Variants in CPPED1 observed in about 807,000 individuals in gnomAD.
CPPED1 encodes the protein serine/threonine-protein phosphatase CPPED1.
In CPPED1, 28 loss-of-function variants were observed where a neutral mutation model predicts 28.0. The ratio of observed to expected loss-of-function variants is 1.00; its 90% confidence interval spans 0.74 to 1.37. CPPED1 has a LOEUF of 1.37. CPPED1 is among the 40% of genes most tolerant of loss of function. The probability of loss-of-function intolerance (pLI) is 0.00; values close to 1 mark genes in which losing one functional copy is unlikely to be tolerated. For synonymous variants in CPPED1, 198 were observed against 180.2 expected (o/e 1.10, Z -0.79); for missense variants, 504 against 416.5 (o/e 1.21, Z -1.83).
chr16:12,773,013 G>A lies in CPPED1; in HGVS notation c.289+8172C>T, dbSNP rs572085750. Among the ~76,000 whole-genome samples, 3 of 152,288 alleles carry A rather than the reference G, an allele frequency of 2.0e-5. No homozygotes were observed. The South Asian group carries it at 6.2e-4, about 32-fold the overall frequency. On this transcript the variant is annotated intron_variant, in intron 2 of 3. Coordinates refer to ENST00000381774, the MANE Select transcript of CPPED1 (RefSeq NM_018340.3). ...TAAACAGCCCTTTGTCACTTGGAAG[G>A]CAGTTTTGCCACCAGCTTAGTTTCA...
chr16:12,785,629 T>C (rs568384140), intron 1 of CPPED1, among the ~76,000 whole-genome samples: 1 of 152,112 alleles, frequency 6.6e-6, no homozygotes, highest in Non-Finnish European at 1.5e-5. Context: ...GGTTTCGCCA[T>C]GTTGGCCAGG....
chr16:12,794,640 T>C (rs2080616157), intron 1 of CPPED1, among the ~76,000 whole-genome samples: 1 of 152,166 alleles, frequency 6.6e-6, no homozygotes, highest in Non-Finnish European at 1.5e-5. Flanking sequence ...ATTCCTAATC[T>C]GTAAAATCTG....
chr16:12,663,518 C>T lies in CPPED1; in HGVS notation c.*1368G>A, dbSNP rs1196649096. On this transcript the variant is annotated 3_prime_UTR_variant, in exon 4 of 4. Transcript: ENST00000381774. ...TTTAAAAAATTTAATTTTCTTGTGG[C>T]ACATAACAATGAACTCTGGTGTCAC... is the stretch of plus-strand genomic sequence containing the variant. 6.6e-6 allele frequency: 1 copy of T among 152,154 alleles called. No homozygotes were observed. Among genetic ancestry groups the T allele is most frequent in the Non-Finnish European group, 1.5e-5 (1 of 68,032 alleles). 9.4% of individuals were successfully genotyped at this position (152,154 alleles called of 1,614,324 possible).
intron 2 of CPPED1, among the ~76,000 whole-genome samples, chr16:12,722,592 T>C (rs2080147336): frequency 6.6e-6 from 1 of 152,094 alleles, no homozygotes; most frequent in Admixed American, 6.6e-5. Flanking sequence ...AAAAATTAGT[T>C]AGGTGTGGTG....
intron 1 of CPPED1, among the ~76,000 whole-genome samples, chr16:12,801,573 A>G (rs2080659857): frequency 6.6e-6 from 1 of 152,098 alleles, no homozygotes; most frequent in Non-Finnish European, 1.5e-5. Flanking sequence ...GGGGATGATT[A>G]TACCCTATAA....
chr16:12,785,663 A>T (rs757824790), intron 1 of CPPED1, among the ~76,000 whole-genome samples: 5 of 151,342 alleles, frequency 3.3e-5, no homozygotes, highest in East Asian at 3.9e-4. Context: ...CCTGGCCTCA[A>T]ATGATCTGCC....
chr16:12,708,368 A>G (rs1456638350), intron 2 of CPPED1, among the ~76,000 whole-genome samples: 1 of 152,132 alleles, frequency 6.6e-6, no homozygotes, highest in Non-Finnish European at 1.5e-5. Flanking sequence ...AATGGGGATG[A>G]TAATTCCCAT....
chr16:12,664,990 C>T lies in CPPED1; in HGVS notation c.841G>A (p.Val281Met), dbSNP rs374948695. Residue 281 changes from valine to methionine, a missense_variant, in exon 4 of 4, where the codon GTG becomes ATG. Coordinates refer to ENST00000381774, the MANE Select transcript of CPPED1 (RefSeq NM_018340.3). The surrounding 1 kb of genome is among the most constrained non-coding windows in gnomAD (Gnocchi z 4.2). The part of the protein sequence containing the change: ...LGRDPHGLRV[V>M]VVTAEKIVHR... The stretch of plus-strand genomic sequence containing the variant: ...ACAATTTTCTCGGCGGTGACCACCA[C>T]GACTCGGAGCCCGTGGGGGTCTCTG... 40 of 1,611,500 alleles carry T rather than the reference C, an allele frequency of 2.5e-5. No individual in the cohort carries two copies. The highest frequency in any genetic ancestry group is 2.3e-4 in the African/African-American group (17 of 74,612).
rs550069077 is a variant in CPPED1, at chr16:12,736,461, G to A, written c.290-31412C>T. 3.9e-5 allele frequency among the ~76,000 whole-genome samples: 6 copies of A among 152,130 alleles called. No homozygotes were observed. In the East Asian group the frequency reaches 1.2e-3, roughly 30 times the overall value. ...GCCATGTTGGCTAGGCTGGTCTCAAGCTCCTGGCCTCATGTGATCTACCTG... is the reference window on the plus strand; with the variant it reads ...GCCATGTTGGCTAGGCTGGTCTCAAACTCCTGGCCTCATGTGATCTACCTG... On this transcript the variant is annotated intron_variant, in intron 2 of 3. Coordinates refer to ENST00000381774, the MANE Select transcript of CPPED1 (RefSeq NM_018340.3).
At chr16:12,665,216 T>C in intron 3 of CPPED1, 101 bp from the exon 4 acceptor site, 1 of 950,782 alleles carries the variant, frequency 1.1e-6, no homozygotes, top group Non-Finnish European at 1.5e-6. Context: ...ATTAAATATA[T>C]TATTATACCA....
chr16:12,747,915 A>G (rs2080301331), intron 2 of CPPED1, among the ~76,000 whole-genome samples: 1 of 152,228 alleles, frequency 6.6e-6, no homozygotes, highest in South Asian at 2.1e-4. Context: ...TCTGCCAATT[A>G]TATCTCCATA....
intron 1 of CPPED1, among the ~76,000 whole-genome samples, chr16:12,791,250 G>A (rs531431692): frequency 1.3e-5 from 2 of 151,922 alleles, no homozygotes; most frequent in Non-Finnish European, 2.9e-5. Context: ...GGTGTGTGAT[G>A]TTCCCCTCCC....
At chr16:12,731,780 A>G (rs1314893375) in intron 2 of CPPED1, among the ~76,000 whole-genome samples, 4 of 150,962 alleles carry the variant, frequency 2.6e-5, no homozygotes, top group Non-Finnish European at 5.9e-5. Context: ...GGACCATTAG[A>G]TGTATGAGCA....
chr16:12,786,433 TTG>T (rs562804681), intron 1 of CPPED1, among the ~76,000 whole-genome samples: 193 of 152,276 alleles, frequency 1.3e-3, no homozygotes, highest in African/African-American at 4.3e-3. Context: ...TTTGTTCAGG[TTG>T]TTAGTGGTGG....
chr16:12,766,579 A>G (rs532637384), intron 2 of CPPED1, among the ~76,000 whole-genome samples: 153 of 152,234 alleles, frequency 1.0e-3, no homozygotes, highest in Non-Finnish European at 1.7e-3. Context: ...TTATGGAAGT[A>G]CAATTCAAGA....
chr16:12,802,807 G>C (rs759986062), intron 1 of CPPED1, among the ~76,000 whole-genome samples: 3 of 152,320 alleles, frequency 2.0e-5, no homozygotes, highest in South Asian at 2.1e-4. Context: ...TTTAAATGCA[G>C]TTCAAACAAG....
At chr16:12,702,011 A>G (rs1177896132) in intron 3 of CPPED1, among the ~76,000 whole-genome samples, 1 of 152,146 alleles carries the variant, frequency 6.6e-6, no homozygotes, top group Non-Finnish European at 1.5e-5. Context: ...AAGAGAAAGC[A>G]CCGCTGGGGT....
At chr16:12,782,055 G>T (rs1168585754) in intron 1 of CPPED1, among the ~76,000 whole-genome samples, 1 of 152,020 alleles carries the variant, frequency 6.6e-6, no homozygotes, top group African/African-American at 2.4e-5. Flanking sequence ...GAGGCTGGGG[G>T]TGGGGACTCT....
At chr16:12,697,266 A>C (rs940981989) in intron 3 of CPPED1, among the ~76,000 whole-genome samples, 7 of 151,886 alleles carry the variant, frequency 4.6e-5, no homozygotes, top group Non-Finnish European at 1.0e-4. Context: ...CTCAGGTGAT[A>C]ATTAAATCAT....
Sources: allele counts gnomAD v4.1 joint callset (sites outside exome capture counted in the v4.1 genomes callset), GRCh38; gene constraint gnomAD v4.1.1; non-coding constraint Gnocchi (gnomAD v3.1); transcripts MANE v1.5; gene names NCBI Gene and HGNC (gene_info 2026-07-23, HGNC 2026-07-21).